The following SLC6A18 variants were observed in gnomAD, a reference collection of about 807,000 sequenced individuals.
SLC6A18 encodes inactive sodium-dependent neutral amino acid transporter B(0)AT3.
In SLC6A18, 58 loss-of-function variants were observed where a neutral mutation model predicts 62.9. The ratio of observed to expected loss-of-function variants is 0.92; its 90% CI spans 0.75 to 1.15. The LOEUF (loss-of-function observed/expected upper bound fraction) is 1.15, where lower values mean the gene tolerates loss of function less well. Among genes scored for constraint, SLC6A18 ranks in the 50% most tolerant of loss-of-function variants. SLC6A18 has a pLI of 0.00. For synonymous variants in SLC6A18, 382 were observed against 365.8 expected (o/e 1.04, Z -0.51); for missense variants, 793 against 836.6 (o/e 0.95, Z 0.64).
chr5:1,243,516 G>T lies in SLC6A18; in HGVS notation c.1132-39G>T. The T allele has an allele frequency of 6.2e-7, 1 of 1,602,156 alleles. No individual in the cohort carries two copies. Among genetic ancestry groups the T allele is most frequent in the Non-Finnish European group, 8.5e-7 (1 of 1,174,344 alleles). ...GGCGTGTGTGTGTGGTGGAGTGTGTGTGTGCGTGGCCTGAAGCCCGGGGCT... is the reference window on the plus strand; with the variant it reads ...GGCGTGTGTGTGTGGTGGAGTGTGTTTGTGCGTGGCCTGAAGCCCGGGGCT... On this transcript the variant is annotated intron_variant, in intron 8 of 11. Coordinates refer to ENST00000324642, the MANE Select transcript of SLC6A18 (RefSeq NM_182632.3). The surrounding 1 kb of genome is among the most constrained non-coding windows in gnomAD (Gnocchi z 6.5).
intron 1 of SLC6A18, among the ~76,000 whole-genome samples, chr5:1,230,083 G>A (rs1485623592): frequency 2.0e-5 from 3 of 151,350 alleles, no homozygotes; most frequent in Admixed American, 6.6e-5. Flanking sequence ...AGCACAGGCT[G>A]GAGGGGAGCG....
intron 10 of SLC6A18, 96 bp downstream of exon 10, chr5:1,244,469 C>T (rs932357154): frequency 6.4e-6 from 10 of 1,563,914 alleles, no homozygotes; most frequent in Admixed American, 5.2e-5. Context: ...CTGCCCAGAC[C>T]GCCGAGAATG....
chr5:1,232,874 A>G lies in SLC6A18; in HGVS notation c.425A>G (p.Asp142Gly), dbSNP rs750881398. The change falls in exon 3 of 12, where the codon GAC (aspartate) becomes GGC (glycine). Residue 142 changes from aspartate (D) to glycine (G), a missense_variant. Asp to Gly is a moderately conservative substitution (Grantham distance 94). Coordinates refer to ENST00000324642, the MANE Select transcript of SLC6A18 (RefSeq NM_182632.3). ...HPLPWSSCPPDLNRTGFVEEC... is the reference protein window; with the variant it reads ...HPLPWSSCPPGLNRTGFVEEC... ...CTGCCCTGGAGCTCCTGCCCACCGG[A>G]CCTCAACAGAACAGGTGAGCTGGGC... 1.2e-6 allele frequency: 2 copies of G among 1,612,186 alleles called. No homozygotes were observed. The highest frequency in any genetic ancestry group is 8.5e-7 in the Non-Finnish European group (1 of 1,179,522).
rs759240891 is a variant in SLC6A18, at chr5:1,246,083, G to T, written c.*5G>T. Reference sequence around the variant, plus strand: ...CCGGACACGGACATGCGCTGAAGCCGGCCGGAGCGGGGCCTGCATGGGCGG... The same window carrying T: ...CCGGACACGGACATGCGCTGAAGCCTGCCGGAGCGGGGCCTGCATGGGCGG... On this transcript the variant is annotated 3_prime_UTR_variant, in exon 12 of 12. Transcript: ENST00000324642. 1.3e-5 allele frequency: 20 copies of T among 1,560,916 alleles called. No homozygotes were observed. In the African/African-American group the frequency reaches 2.2e-4, roughly 17 times the overall value.
At chr5:1,225,777 C>T (rs752767674) in intron 1 of SLC6A18, 140 bp downstream of exon 1, 47 of 1,049,852 alleles carry the variant, frequency 4.5e-5, no homozygotes, top group Middle Eastern at 5.9e-4. Flanking sequence ...CCATTGCCCA[C>T]GGCAGAGTCA....
chr5:1,227,129 C>T (rs1256735285), intron 1 of SLC6A18, among the ~76,000 whole-genome samples: 2 of 149,020 alleles, frequency 1.3e-5, no homozygotes, highest in Non-Finnish European at 1.5e-5. Flanking sequence ...CCTTGCCCGT[C>T]GATGCCTTGC....
chr5:1,243,644 C>T lies in SLC6A18; in HGVS notation c.1221C>T (p.Phe407=), dbSNP rs199801467. 3.5e-5 allele frequency: 57 copies of T among 1,614,092 alleles called. No individual in the cohort carries two copies. Among genetic ancestry groups the T allele is most frequent in the Middle Eastern group, 1.6e-4 (1 of 6,062 alleles). ...PGAPVWAMLF[F]GMLFTLGLST... is the part of the protein sequence containing the mutation. Reference sequence around the variant, plus strand: ...CTCCTGTGTGGGCCATGCTCTTCTTCGGGATGCTGTTCACCTTGGGGCTAT... The same window carrying T: ...CTCCTGTGTGGGCCATGCTCTTCTTTGGGATGCTGTTCACCTTGGGGCTAT... The change falls in exon 9 of 12, where the codon TTC becomes TTT. Residue 407 remains phenylalanine, a synonymous_variant. Coordinates refer to ENST00000324642, the MANE Select transcript of SLC6A18 (RefSeq NM_182632.3). This position sits in a 1 kb window ranked among gnomAD's most constrained non-coding sequence, Gnocchi z 6.5.
intron 1 of SLC6A18, among the ~76,000 whole-genome samples, chr5:1,231,135 G>T (rs1313592498): frequency 6.6e-6 from 1 of 152,186 alleles, no homozygotes; most frequent in Non-Finnish European, 1.5e-5. Flanking sequence ...GGCCAGGAGG[G>T]TCTGTGGACT....
At chr5:1,244,859 C>A in intron 11 of SLC6A18, 92 bp downstream of exon 11, 4 of 1,401,796 alleles carry the variant, frequency 2.9e-6, no homozygotes, top group South Asian at 2.8e-5. Context: ...ACGACCCATG[C>A]GGTGCACATT....
chr5:1,226,845 G>A (rs2126523164), intron 1 of SLC6A18, among the ~76,000 whole-genome samples: 1 of 152,208 alleles, frequency 6.6e-6, no homozygotes, highest in African/African-American at 2.4e-5. Flanking sequence ...GCAAGGTTGT[G>A]GGGGCAGCAG....
At position 1,232,311 on chromosome 5, in the gene SLC6A18, G is replaced by T. The variant is rs1358403605; in HGVS notation, c.253G>T (p.Gly85Cys). The change falls in exon 2 of 12, where the codon GGC (glycine) becomes TGC (cysteine). Residue 85 changes from glycine (G) to cysteine (C), a missense_variant. Gly to Cys is a radical substitution (Grantham distance 159). Transcript: ENST00000324642. ...CGCCATCGGCCAGCGGCTGCGGAAGGGCAGCGTCGGCGTGTGGACGGCCAT... is the reference window on the plus strand; with the variant it reads ...CGCCATCGGCCAGCGGCTGCGGAAGTGCAGCGTCGGCGTGTGGACGGCCAT... ...ELAIGQRLRK[G>C]SVGVWTAISP... 1 of 1,612,286 alleles carries T rather than the reference G, an allele frequency of 6.2e-7. No homozygotes were observed. Among genetic ancestry groups the T allele is most frequent in the Admixed American group, 1.7e-5 (1 of 59,960 alleles).
chr5:1,233,442 C>T (rs976274845), intron 3 of SLC6A18, among the ~76,000 whole-genome samples: 6 of 152,166 alleles, frequency 3.9e-5, no homozygotes, highest in African/African-American at 1.4e-4. Flanking sequence ...CATACCACTG[C>T]ACTCCAGACG....
chr5:1,229,091 A>G (rs936760599), intron 1 of SLC6A18, among the ~76,000 whole-genome samples: 4 of 151,892 alleles, frequency 2.6e-5, no homozygotes, highest in Non-Finnish European at 5.9e-5. Context: ...CAACCACAAC[A>G]CTCTGGTTGA....
intron 4 of SLC6A18, 49 bp downstream of exon 4, chr5:1,235,711 A>C: frequency 6.3e-7 from 1 of 1,591,598 alleles, no homozygotes; most frequent in Non-Finnish European, 8.6e-7. Flanking sequence ...TCCAGCCCCC[A>C]AGACCCCTCC....
intron 1 of SLC6A18, among the ~76,000 whole-genome samples, chr5:1,227,995 G>A (rs1225122285): frequency 1.3e-5 from 2 of 152,196 alleles, no homozygotes; most frequent in African/African-American, 2.4e-5. Context: ...CCTGCCTCCG[G>A]TGTTCAACCG....
At position 1,226,363 on chromosome 5, in the gene SLC6A18, G is replaced by A. The variant is rs1464790335; in HGVS notation, c.160+726G>A. 3.9e-5 allele frequency among the ~76,000 whole-genome samples: 6 copies of A among 152,140 alleles called. No homozygotes were observed. The East Asian group carries it at 9.6e-4, about 24-fold the overall frequency. Reference sequence around the variant, plus strand: ...CATGAATCACTGCTCTCAGGGAGCCGACGTACAACATCACGCATGGACACC... The same window carrying A: ...CATGAATCACTGCTCTCAGGGAGCCAACGTACAACATCACGCATGGACACC... On this transcript the variant is annotated intron_variant, in intron 1 of 11. Transcript: ENST00000324642.
In SLC6A18 at chr5:1,243,007, CTT is replaced by C; in HGVS notation, c.1131+146_1131+147del. 2 of 1,040,926 alleles carry C rather than the reference CTT, an allele frequency of 1.9e-6. No individual in the cohort carries two copies. The highest frequency in any genetic ancestry group is 2.7e-6 in the Non-Finnish European group (2 of 736,642). The allele number at this position is 1,040,926 out of a possible 1,614,324, so 64.5% of individuals were successfully genotyped here. On this transcript the variant is annotated intron_variant, in intron 8 of 11. Transcript: ENST00000324642. The surrounding 1 kb of genome is among the most constrained non-coding windows in gnomAD (Gnocchi z 6.5). ...CTGTGAACCAAGAACCCCAGTCTAT[CTT>C]TGTCTCAGGTTGCCAGGCCTCCTGG...
intron 5 of SLC6A18, among the ~76,000 whole-genome samples, chr5:1,238,492 GACTC>G: frequency 2.2e-5 from 2 of 91,438 alleles, no homozygotes; most frequent in Non-Finnish European, 4.0e-5. Flanking sequence ...GGGCCTGGAG[GACTC>G]AGGAAAGACA....
intron 4 of SLC6A18, among the ~76,000 whole-genome samples, chr5:1,237,299 G>C (rs1746908951): frequency 6.6e-6 from 1 of 151,848 alleles, no homozygotes. Flanking sequence ...GTCTGTATTG[G>C]GGGAACTGAG....
Sources: gnomAD v4.1 joint callset for allele counts (sites outside exome capture counted in the v4.1 genomes callset) on GRCh38, gnomAD v4.1.1 for gene constraint, Gnocchi (gnomAD v3.1) non-coding constraint, MANE v1.5 for transcripts, NCBI Gene and HGNC (gene_info 2026-07-23, HGNC 2026-07-21) for gene names.